NT5C1A: variants seen among roughly 807,000 people sequenced by gnomAD.
The protein encoded by NT5C1A is cytosolic 5'-nucleotidase 1A.
A neutral mutation model predicts 31.0 loss-of-function variants in NT5C1A; 18 were observed. That is an observed-to-expected ratio of 0.58 (90% CI 0.40 to 0.86). The LOEUF is 0.86. Among genes scored for constraint, NT5C1A ranks in the 40% least tolerant of loss-of-function variants. NT5C1A has a pLI of 0.00. For synonymous variants in NT5C1A, 185 were observed against 203.6 expected, an observed-to-expected ratio of 0.91 and a Z score of 0.78; for missense variants, 470 against 505.4, an observed-to-expected ratio of 0.93 and a Z score of 0.67.
intron 3 of NT5C1A, 122 bp downstream of exon 3, chr1:39,665,399 G>T: frequency 1.1e-6 from 1 of 895,900 alleles, no homozygotes; most frequent in Non-Finnish European, 1.6e-6. Flanking sequence ...GAATTTACCA[G>T]CACACACTGG....
At chr1:39,671,814 G>A in intron 1 of NT5C1A, 90 bp downstream of exon 1, 1 of 1,501,716 alleles carries the variant, frequency 6.7e-7, no homozygotes, top group South Asian at 1.2e-5. Context: ...CTCCCAGAGG[G>A]GCGCCACGGG....
At chr1:39,667,029 C>A (rs1007205110) in intron 1 of NT5C1A, among the ~76,000 whole-genome samples, 5 of 152,204 alleles carry the variant, frequency 3.3e-5, no homozygotes, top group South Asian at 2.1e-4. Flanking sequence ...TGACCACAGC[C>A]CCCCTCTTTA....
chr1:39,651,630 A>G lies in NT5C1A; in HGVS notation c.*7491T>C, dbSNP rs1420435386. On this transcript the variant is annotated 3_prime_UTR_variant, in exon 6 of 6. Coordinates refer to ENST00000235628, the MANE Select transcript of NT5C1A (RefSeq NM_032526.3). ...GCTTCTGACAGGTAGATACAAGCAC[A>G]TTATGCACACAGGTTTCATTTTTCA... Among the ~76,000 whole-genome samples, 4 of 152,244 alleles carry G rather than the reference A, an allele frequency of 2.6e-5. No individual in the cohort carries two copies.
In NT5C1A at chr1:39,653,572, C is replaced by G; in HGVS notation, c.*5549G>C. Among the ~76,000 whole-genome samples the G allele has an allele frequency of 6.6e-6, 1 of 152,156 alleles. No individual in the cohort carries two copies. Among genetic ancestry groups the G allele is most frequent in the Admixed American group, 6.5e-5 (1 of 15,282 alleles). ...ATATTTAGCAAACATTTCCAGAGCA[C>G]CTGAAGTCCTTTTTGGCTGGCTAGA... On this transcript the variant is annotated 3_prime_UTR_variant, in exon 6 of 6. Transcript: ENST00000235628.
intron 5 of NT5C1A, among the ~76,000 whole-genome samples, chr1:39,660,046 CAG>C (rs1190923483): frequency 2.6e-5 from 4 of 152,290 alleles, no homozygotes; most frequent in African/African-American, 4.8e-5. Flanking sequence ...AATAAAAAAA[CAG>C]ACAACGATGA....
At position 39,655,220 on chromosome 1, in the gene NT5C1A, A is replaced by G. The variant is rs918403708; in HGVS notation, c.*3901T>C. 2.6e-5 allele frequency among the ~76,000 whole-genome samples: 4 copies of G among 152,194 alleles called. No individual in the cohort carries two copies. The highest frequency in any genetic ancestry group is 4.8e-5 in the African/African-American group (2 of 41,460). On this transcript the variant is annotated 3_prime_UTR_variant, in exon 6 of 6. Coordinates refer to ENST00000235628, the MANE Select transcript of NT5C1A (RefSeq NM_032526.3). ...CTCCCAAAGTGCTGGGATTACAGGC[A>G]TGAGCCACTGTGCCTGGCCCCAGTC...
chr1:39,671,859 G>A, intron 1 of NT5C1A, 45 bp downstream of exon 1: 1 of 1,609,446 alleles, frequency 6.2e-7, no homozygotes, highest in Non-Finnish European at 8.5e-7. Context: ...CCTCCTCCGG[G>A]GTAACCCTTC....
chr1:39,666,545 G>A (rs574089049), intron 1 of NT5C1A, among the ~76,000 whole-genome samples: 68 of 152,320 alleles, frequency 4.5e-4, no homozygotes, highest in African/African-American at 1.6e-3. Flanking sequence ...CAATGTATGT[G>A]GCCAACGTGT....
At chr1:39,660,738 G>A (rs1646488939) in intron 5 of NT5C1A, among the ~76,000 whole-genome samples, 1 of 152,122 alleles carries the variant, frequency 6.6e-6, no homozygotes, top group South Asian at 2.1e-4. Context: ...GGACTTCAGA[G>A]AAGAGGTGGG....
At chr1:39,669,176 C>T (rs972137639) in intron 1 of NT5C1A, among the ~76,000 whole-genome samples, 3 of 152,182 alleles carry the variant, frequency 2.0e-5, no homozygotes, top group Non-Finnish European at 4.4e-5. Flanking sequence ...GCTGGCAGCT[C>T]TCTCTGCCTT....
rs1358042718 is a variant in NT5C1A, at chr1:39,659,247, A to C, written c.981T>G (p.Phe327Leu). ...LLEKIRPHIF[F>L]DDQMFHVAGA... ...CAGCCACATGGAACATCTGGTCATCAAAGAAGATGTGTGGGCGGATCTTCT... is the reference window on the plus strand; with the variant it reads ...CAGCCACATGGAACATCTGGTCATCCAAGAAGATGTGTGGGCGGATCTTCT... The change falls in exon 6 of 6, where the codon TTT (phenylalanine) becomes TTG (leucine). Residue 327 changes from phenylalanine to leucine, a missense_variant. Phe to Leu is a conservative substitution (Grantham distance 22, BLOSUM62 0). Transcript: ENST00000235628. The C allele has an allele frequency of 2.5e-6, 4 of 1,614,010 alleles. No individual in the cohort carries two copies. The highest frequency in any genetic ancestry group is 3.4e-6 in the Non-Finnish European group (4 of 1,180,050).
At chr1:39,671,753 C>T (rs544214776) in intron 1 of NT5C1A, 151 bp downstream of exon 1, 2 of 916,046 alleles carry the variant, frequency 2.2e-6, no homozygotes, top group Non-Finnish European at 3.3e-6. Context: ...AAAATAAACC[C>T]GAGCCCGCGC....
chr1:39,661,451 G>A (rs527328425), intron 4 of NT5C1A, among the ~76,000 whole-genome samples, 188 bp from the exon 5 acceptor site: 1 of 152,342 alleles, frequency 6.6e-6, no homozygotes, highest in African/African-American at 2.4e-5. Context: ...CAGTAGCAGT[G>A]GCTCTGAAGG....
chr1:39,666,071 T>C lies in NT5C1A; in HGVS notation c.301A>G (p.Lys101Glu). Residue 101 changes from lysine to glutamate, a missense_variant and splice_region_variant, in exon 2 of 6, where the codon AAG (lysine) becomes GAG (glutamate). Lys to Glu is a moderately conservative substitution (Grantham distance 56). Transcript: ENST00000235628. The part of the protein sequence containing the change: ...FSPGPAFPFV[K>E]ALEAVNRRLR... ...TAGTGGTGGAACTGCTCCCTCACCTTCACAAAAGGGAAGGCTGGCCCGGGA... is the reference window on the plus strand; with the variant it reads ...TAGTGGTGGAACTGCTCCCTCACCTCCACAAAAGGGAAGGCTGGCCCGGGA... 1 of 1,612,354 alleles carries C rather than the reference T, an allele frequency of 6.2e-7. No individual in the cohort carries two copies. The highest frequency in any genetic ancestry group is 8.5e-7 in the Non-Finnish European group (1 of 1,179,320).
rs541974771 is a variant in NT5C1A at position 39,654,210 on chromosome 1, G to A, written c.*4911C>T. 7.2e-5 allele frequency among the ~76,000 whole-genome samples: 11 copies of A among 151,960 alleles called. No individual in the cohort carries two copies. Among genetic ancestry groups the A allele is most frequent in the Admixed American group, 1.3e-4 (2 of 15,272 alleles). On this transcript the variant is annotated 3_prime_UTR_variant, in exon 6 of 6. Transcript: ENST00000235628. ...AGGGGTATTTGTGTTTATTGCTCAC[G>A]TGCCTTCATGCCACAAGAAACTGCC...
intron 1 of NT5C1A, among the ~76,000 whole-genome samples, chr1:39,667,351 G>A (rs940432987): frequency 1.4e-4 from 21 of 151,880 alleles, no homozygotes; most frequent in African/African-American, 5.1e-4. Context: ...ATAGGTACCC[G>A]CCACCCCAGA....
At chr1:39,668,242 C>T (rs1270633778) in intron 1 of NT5C1A, among the ~76,000 whole-genome samples, 1 of 152,236 alleles carries the variant, frequency 6.6e-6, no homozygotes, top group African/African-American at 2.4e-5. Flanking sequence ...ACTGGGCTTA[C>T]TGCCCCAGGG....
In NT5C1A at chr1:39,663,396, T is replaced by A; in HGVS notation, c.472A>T (p.Ser158Cys). 1 of 1,614,124 alleles carries A rather than the reference T, an allele frequency of 6.2e-7. No homozygotes were observed. Among genetic ancestry groups the A allele is most frequent in the Middle Eastern group, 1.6e-4 (1 of 6,062 alleles). ...TAGGCCTTGAGGTAGCAGATCGGGCTGTTCCCACCTGTCATGCAGAACCTC... is the reference window on the plus strand; with the variant it reads ...TAGGCCTTGAGGTAGCAGATCGGGCAGTTCCCACCTGTCATGCAGAACCTC... Reference protein sequence around the residue: ...IERFCMTGGNSPICYLKAYHT... With the variant: ...IERFCMTGGNCPICYLKAYHT... Residue 158 changes from serine to cysteine, a missense_variant, in exon 4 of 6, where the codon AGC becomes TGC. By Grantham distance (112) the Ser-to-Cys change is moderately radical. Coordinates refer to ENST00000235628, the MANE Select transcript of NT5C1A (RefSeq NM_032526.3).
In NT5C1A at chr1:39,652,224, A is replaced by G. The variant is rs971610083; in HGVS notation, c.*6897T>C. Among the ~76,000 whole-genome samples, 4 of 151,968 alleles carry G rather than the reference A, an allele frequency of 2.6e-5. No homozygotes were observed. The highest frequency in any genetic ancestry group is 4.4e-5 in the Non-Finnish European group (3 of 67,968). On this transcript the variant is annotated 3_prime_UTR_variant, in exon 6 of 6. Coordinates refer to ENST00000235628, the MANE Select transcript of NT5C1A (RefSeq NM_032526.3). ...CAAGTCTCTGGGCCTGGGCCAGCGG[A>G]TGCAAACTGGAGATTCAAGGGCCGG...
Sources: gnomAD v4.1 joint callset for allele counts (sites outside exome capture counted in the v4.1 genomes callset) on GRCh38, gnomAD v4.1.1 for gene constraint, MANE v1.5 for transcripts, NCBI Gene and HGNC (gene_info 2026-07-23, HGNC 2026-07-21) for gene names.